Variants in POLE observed in about 807,000 individuals in gnomAD.
The protein encoded by POLE is DNA polymerase epsilon catalytic subunit A.
Under a neutral mutation model 279.2 loss-of-function variants are expected in POLE, and 188 were observed. That is an observed-to-expected ratio of 0.67 (90% CI 0.60 to 0.76). The LOEUF is 0.76. Ranked by LOEUF, POLE falls within the 30% of genes least tolerant of loss-of-function variation. The pLI is 0.00. For missense variants in POLE, 2,703 were observed against 3,016.7 expected, an observed-to-expected ratio of 0.90 and a Z score of 2.44; for synonymous variants, 1,214 against 1,172.5, an observed-to-expected ratio of 1.04 and a Z score of -0.72.
rs774747998 is a variant in POLE at position 132,626,111 on chromosome 12, C to A, written c.6531+6G>T. ...CAGTGAAGGGCCCGCTGGAGCTCAGCCGCACCTCTGAGAAGGAAGAGTCTT... is the reference window on the plus strand; with the variant it reads ...CAGTGAAGGGCCCGCTGGAGCTCAGACGCACCTCTGAGAAGGAAGAGTCTT... On this transcript the variant is annotated splice_donor_region_variant and intron_variant, in intron 46 of 48. Transcript: ENST00000320574. 1.1e-4 allele frequency: 171 copies of A among 1,587,584 alleles called. No homozygotes were observed. Among genetic ancestry groups the A allele is most frequent in the Middle Eastern group, 3.9e-4 (2 of 5,096 alleles).
chr12:132,652,314 C>CTTTT (rs11449205), intron 29 of POLE, among the ~76,000 whole-genome samples: 6 of 111,160 alleles, frequency 5.4e-5, no homozygotes, highest in Non-Finnish European at 8.6e-5. Context: ...TTGTAGTTTC[C>CTTTT]TTTTTTTTTT....
intron 10 of POLE, 46 bp downstream of exon 10, chr12:132,676,048 G>C (rs375701878): frequency 5.5e-6 from 7 of 1,282,828 alleles, no homozygotes; most frequent in Non-Finnish European, 7.8e-6. Context: ...CCACATGTCC[G>C]TTCTTCCCAC....
chr12:132,681,622 G>C (rs1470796549), intron 1 of POLE, among the ~76,000 whole-genome samples: 2 of 152,084 alleles, frequency 1.3e-5, no homozygotes, highest in Non-Finnish European at 2.9e-5. Context: ...ATCCCACCTA[G>C]TGTTAAGTGT....
chr12:132,634,412 A>T lies in POLE; in HGVS notation c.5812-34T>A, dbSNP rs749913005. ...CATGAGACAACGCGGCTGTGTTTGCACCATCGCGGCCTGGTAGAGGGGTAG... is the reference window on the plus strand; with the variant it reads ...CATGAGACAACGCGGCTGTGTTTGCTCCATCGCGGCCTGGTAGAGGGGTAG... On this transcript the variant is annotated intron_variant, in intron 42 of 48. Coordinates refer to ENST00000320574, the MANE Select transcript of POLE (RefSeq NM_006231.4). This position sits in a 1 kb window ranked among gnomAD's most constrained non-coding sequence, Gnocchi z 4.0. 1.3e-6 allele frequency: 2 copies of T among 1,591,804 alleles called. No individual in the cohort carries two copies. The highest frequency in any genetic ancestry group is 4.5e-5 in the East Asian group (2 of 44,528).
chr12:132,649,146 G>C, intron 31 of POLE, 74 bp from the exon 32 acceptor site: 1 of 1,556,838 alleles, frequency 6.4e-7, no homozygotes, highest in Admixed American at 1.8e-5. Context: ...CTTCCAGGTA[G>C]CTTGCAGCTC....
At chr12:132,658,146 T>C in intron 26 of POLE, 176 bp from the exon 27 acceptor site, 1 of 523,866 alleles carries the variant, frequency 1.9e-6, no homozygotes, top group Non-Finnish European at 3.3e-6. Flanking sequence ...CCTCGGGGAG[T>C]AACACGTGCG....
chr12:132,672,510 C>T (rs540267564), intron 15 of POLE, 117 bp downstream of exon 15: 16 of 1,205,550 alleles, frequency 1.3e-5, no homozygotes, highest in Admixed American at 7.7e-5. Flanking sequence ...AAGCCACACC[C>T]GGTGAGGGGC....
chr12:132,687,302 C>T lies in POLE; in HGVS notation c.14G>A (p.Ser5Asn), dbSNP rs1167872104. The part of the protein sequence containing the change: MSLR[S>N]GGRRRADPGA... ...TGGGTCCGCGCGCCGCCGCCCGCCG[C>T]TCCTCAGAGACATGGAGCCGTTGGC... is the stretch of plus-strand genomic sequence containing the variant. Residue 5 changes from serine (S) to asparagine (N), a missense_variant, in exon 1 of 49, where the codon AGC (serine) becomes AAC (asparagine). Physicochemically the swap from Ser to Asn is conservative, Grantham distance 46. Around this residue, in one of 5 missense-constraint regions of POLE, gnomAD observed 1,011 missense variants for 1,111.7 expected, o/e 0.91. Transcript: ENST00000320574. 3 of 1,505,766 alleles carry T rather than the reference C, an allele frequency of 2.0e-6. No individual in the cohort carries two copies. Among genetic ancestry groups the T allele is most frequent in the Non-Finnish European group, 2.7e-6 (3 of 1,127,982 alleles). 93.3% of individuals were successfully genotyped at this position (1,505,766 alleles called of 1,614,324 possible).
rs186549578 is a variant in POLE, at chr12:132,625,466, C to T, written c.6657+179G>A. The T allele has an allele frequency of 1.9e-4, 162 of 852,644 alleles. 1 individual carries two copies. The African/African-American group carries it at 2.3e-3, about 12-fold the overall frequency. 52.8% of individuals were successfully genotyped at this position (852,644 alleles called of 1,614,324 possible). ...GCCAGCTCTTGACCCAAGGCAGGTG[C>T]TCAACCAGTGTGGACAGAACAGTCC... is the stretch of plus-strand genomic sequence containing the variant. On this transcript the variant is annotated intron_variant, in intron 47 of 48. Coordinates refer to ENST00000320574, the MANE Select transcript of POLE (RefSeq NM_006231.4).
chr12:132,673,080 A>G, intron 14 of POLE, 84 bp downstream of exon 14: 1 of 946,002 alleles, frequency 1.1e-6, no homozygotes, highest in Non-Finnish European at 1.7e-6. Flanking sequence ...CTCCTGGGAC[A>G]TCCACCTCCA....
At chr12:132,658,285 C>A (rs5744881) in intron 26 of POLE, 1 of 282,738 alleles carries the variant, frequency 3.5e-6, no homozygotes, top group African/African-American at 2.2e-5. Context: ...TGAGTAACCA[C>A]GTGCATGCGT....
At chr12:132,649,194 A>C (rs1169043626) in intron 31 of POLE, 112 bp downstream of exon 31, 6 of 1,491,754 alleles carry the variant, frequency 4.0e-6, no homozygotes, top group African/African-American at 1.4e-5. Context: ...GATGGGCAGG[A>C]AACTCCAGGC....
chr12:132,673,871 C>G (rs1224094675), intron 12 of POLE, among the ~76,000 whole-genome samples, 164 bp from the exon 13 acceptor site: 5 of 152,146 alleles, frequency 3.3e-5, no homozygotes, highest in Non-Finnish European at 7.4e-5. Flanking sequence ...TTGTGAAAAC[C>G]CTTCATCAGG....
intron 45 of POLE, among the ~76,000 whole-genome samples, chr12:132,631,813 A>G (rs1003152678): frequency 6.6e-6 from 1 of 152,032 alleles, no homozygotes; most frequent in Admixed American, 6.6e-5. Context: ...CAACACACCA[A>G]GCTCACCCCC....
intron 23 of POLE, among the ~76,000 whole-genome samples, chr12:132,662,099 G>A (rs2042694985): frequency 2.0e-5 from 3 of 152,226 alleles, no homozygotes; most frequent in South Asian, 4.1e-4. Context: ...GTACGCTACA[G>A]AGTGAACGTC....
At chr12:132,669,046 T>G (rs555038464) in intron 16 of POLE, 107 bp from the exon 17 acceptor site, 6 of 1,058,122 alleles carry the variant, frequency 5.7e-6, no homozygotes, top group Non-Finnish European at 8.0e-6. Flanking sequence ...GAAAAATATA[T>G]AAATAGAGCA....
At position 132,659,676 on chromosome 12, in the gene POLE, C is replaced by A. The variant is rs566638348; in HGVS notation, c.3061-167G>T. 2.5e-5 allele frequency: 15 copies of A among 605,108 alleles called. No individual in the cohort carries two copies. In the South Asian group the frequency reaches 2.6e-4, roughly 10 times the overall value. The allele number at this position is 605,108 out of a possible 1,614,324, so 37.5% of individuals were successfully genotyped here. Reference sequence around the variant, plus strand: ...GTGTGGCAATACTTTAAAACATACACACACACACAAAACTTTAGCTTTTAT... The same window carrying A: ...GTGTGGCAATACTTTAAAACATACAAACACACACAAAACTTTAGCTTTTAT... On this transcript the variant is annotated intron_variant, in intron 25 of 48. Coordinates refer to ENST00000320574, the MANE Select transcript of POLE (RefSeq NM_006231.4).
chr12:132,673,774 G>A (rs977727804), intron 12 of POLE, 67 bp from the exon 13 acceptor site: 1 of 1,575,904 alleles, frequency 6.3e-7, no homozygotes, highest in East Asian at 2.2e-5. Context: ...CCTGAGAACT[G>A]GCAAAACTGG....
rs752914239 is a variant in POLE, at chr12:132,657,307, A to G, written c.3459+42T>C. On this transcript the variant is annotated intron_variant, in intron 28 of 48. Coordinates refer to ENST00000320574, the MANE Select transcript of POLE (RefSeq NM_006231.4). The stretch of plus-strand genomic sequence containing the variant: ...GAGAGAGACCCTTGTCTAACTGCAC[A>G]GTTTTTAGCCCCACAGCCCGTGCCA... 6.1e-5 allele frequency: 98 copies of G among 1,613,954 alleles called. No homozygotes were observed. Among genetic ancestry groups the G allele is most frequent in the Non-Finnish European group, 7.8e-5 (92 of 1,180,016 alleles).
Sources: allele counts gnomAD v4.1 joint callset (sites outside exome capture counted in the v4.1 genomes callset), GRCh38; gene constraint gnomAD v4.1.1; regional missense constraint gnomAD v4.1.1; non-coding constraint Gnocchi (gnomAD v3.1); transcripts MANE v1.5; gene names NCBI Gene and HGNC (gene_info 2026-07-23, HGNC 2026-07-21).